NBPF15: variants seen among roughly 807,000 people sequenced by gnomAD.
NBPF15 encodes the protein NBPF family member NBPF15.
In NBPF15, 74 loss-of-function variants were observed where a neutral mutation model predicts 62.2. That is an observed-to-expected ratio of 1.19 (90% CI 0.99 to 1.44). The LOEUF (loss-of-function observed/expected upper bound fraction) is 1.44. Among genes scored for constraint, NBPF15 ranks in the 40% most tolerant of loss-of-function variants. The pLI is 0.00. For synonymous variants in NBPF15, 244 were observed against 209.7 expected, an observed-to-expected ratio of 1.16 and a Z score of -1.41; for missense variants, 790 against 550.0, an observed-to-expected ratio of 1.44 and a Z score of -4.36.
rs1219982450 is a variant in NBPF15 at position 144,443,533 on chromosome 1, C to T, written c.-190-3238G>A. Among the ~76,000 whole-genome samples the T allele has an allele frequency of 1.3e-4, 19 of 151,712 alleles. No homozygotes were observed. In the East Asian group the frequency reaches 3.7e-3, roughly 29 times the overall value. ...ATCAGAATTGTGTTGATGTAATATGCTAACAAAATTGAGTCTTCCAATCAA... is the reference window on the plus strand; with the variant it reads ...ATCAGAATTGTGTTGATGTAATATGTTAACAAAATTGAGTCTTCCAATCAA... On this transcript the variant is annotated intron_variant, in intron 6 of 21. Coordinates refer to ENST00000581897, the MANE Select transcript of NBPF15 (RefSeq NM_001385408.1).
chr1:144,453,693 T>C (rs1424994578), intron 4 of NBPF15, among the ~76,000 whole-genome samples: 1 of 93,806 alleles, frequency 1.1e-5, no homozygotes, highest in Non-Finnish European at 2.4e-5. Flanking sequence ...ATTAATAAGA[T>C]ATACAGATGG....
intron 6 of NBPF15, chr1:144,442,497 C>T (rs1221892795): frequency 2.7e-5 from 4 of 149,976 alleles, no homozygotes; most frequent in African/African-American, 7.4e-5. Flanking sequence ...GCGAGGAGGA[C>T]AGCACCTGCA....
At chr1:144,440,816 C>T (rs1682353720) in intron 6 of NBPF15, among the ~76,000 whole-genome samples, 3 of 150,808 alleles carry the variant, frequency 2.0e-5, no homozygotes, top group South Asian at 4.2e-4. Context: ...CCACGCCCGG[C>T]TAATTTTTCT....
chr1:144,454,869 AGAG>A (rs1418329268), intron 4 of NBPF15, among the ~76,000 whole-genome samples: 1 of 146,694 alleles, frequency 6.8e-6, no homozygotes, highest in Non-Finnish European at 1.5e-5. Flanking sequence ...CCCACAAATC[AGAG>A]GAGGAGGAGG....
At chr1:144,426,992 C>G (rs1454396485) in intron 17 of NBPF15, 55 bp downstream of exon 17, 171 of 750,902 alleles carry the variant, frequency 2.3e-4, no homozygotes, top group African/African-American at 2.2e-3. Context: ...TTCCCTGGAC[C>G]TGGCATCTCC....
rs1459458944 is a variant in NBPF15 at position 144,439,816 on chromosome 1, C to T, written c.175+13G>A. 407 of 1,581,354 alleles carry T rather than the reference C, an allele frequency of 2.6e-4. 3 individuals carry two copies. The African/African-American group carries it at 4.8e-3, about 19-fold the overall frequency. ...ATTCATCACTTTCATGACGGTGAGC[C>T]TATAGATCTTACTGTATTTCTTCTG... On this transcript the variant is annotated intron_variant, in intron 8 of 21. Coordinates refer to ENST00000581897, the MANE Select transcript of NBPF15 (RefSeq NM_001385408.1).
At position 144,423,911 on chromosome 1, in the gene NBPF15, C is replaced by G; in HGVS notation, c.1728G>C (p.Arg576Ser). 1 of 795,402 alleles carries G rather than the reference C, an allele frequency of 1.3e-6. No homozygotes were observed. The allele number at this position is 795,402 out of a possible 1,614,324, so 49.3% of individuals were successfully genotyped here. A position where few individuals can be genotyped will look rare whatever the true frequency, so the allele number is the denominator to read the frequency against. The change falls in exon 21 of 22, where the codon AGG becomes AGC. Residue 576 changes from arginine (R) to serine (S), a missense_variant. Coordinates refer to ENST00000581897, the MANE Select transcript of NBPF15 (RefSeq NM_001385408.1). ...RGRRSKKKRR[R>S]GRKEGEDDNP... ...TGTCATCTTCCCCTTCTTTTCTTCC[C>G]CTTCTTCTTTTCTTCTTTGATCTTC...
chr1:144,424,157 A>G (rs1359318001), intron 20 of NBPF15, among the ~76,000 whole-genome samples, 182 bp from the exon 21 acceptor site: 2 of 152,054 alleles, frequency 1.3e-5, no homozygotes, highest in African/African-American at 2.4e-5. Context: ...TTTTTCTCCC[A>G]GAAACTGTGG....
intron 6 of NBPF15, among the ~76,000 whole-genome samples, chr1:144,445,688 T>C (rs1313190331): frequency 1.3e-5 from 2 of 151,454 alleles, no homozygotes; most frequent in African/African-American, 2.4e-5. Context: ...TAGAATTGCA[T>C]TGGATCTGGA....
Position 144,422,883 on chromosome 1 carries a change from G to C in NBPF15, c.*130C>G. 1 of 1,593,576 alleles carries C rather than the reference G, an allele frequency of 6.3e-7. No individual in the cohort carries two copies. The highest frequency in any genetic ancestry group is 1.7e-5 in the Admixed American group (1 of 58,138). ...TTGCCAATGGCATGGTTTGAGAATAGGAATAGAGCCATGCTCACTGACCCA... is the reference window on the plus strand; with the variant it reads ...TTGCCAATGGCATGGTTTGAGAATACGAATAGAGCCATGCTCACTGACCCA... On this transcript the variant is annotated 3_prime_UTR_variant, in exon 22 of 22. Coordinates refer to ENST00000581897, the MANE Select transcript of NBPF15 (RefSeq NM_001385408.1).
At chr1:144,456,361 G>C (rs1451749581) in intron 4 of NBPF15, among the ~76,000 whole-genome samples, 176 bp downstream of exon 4, 3 of 152,130 alleles carry the variant, frequency 2.0e-5, no homozygotes, top group South Asian at 4.2e-4. Context: ...GGTCGAGGGT[G>C]GCACACGCTG....
intron 20 of NBPF15, among the ~76,000 whole-genome samples, chr1:144,424,487 C>T (rs1185454415): frequency 2.6e-5 from 4 of 152,048 alleles, no homozygotes; most frequent in Non-Finnish European, 5.9e-5. Flanking sequence ...TGGCCTGAGA[C>T]TAGGAAGAGA....
intron 17 of NBPF15, 149 bp downstream of exon 17, chr1:144,426,898 A>T (rs1335198439): frequency 1.8e-6 from 1 of 566,790 alleles, no homozygotes; most frequent in Non-Finnish European, 3.1e-6. Flanking sequence ...AAACCTAAAC[A>T]TCTACTGCAA....
intron 4 of NBPF15, among the ~76,000 whole-genome samples, chr1:144,455,122 A>AGGGT (rs1693617948): frequency 7.5e-6 from 1 of 133,700 alleles, no homozygotes; most frequent in Non-Finnish European, 1.6e-5. Context: ...GAAGGGAGGG[A>AGGGT]GGAAGGGAGG....
At chr1:144,423,769 C>T in intron 21 of NBPF15, 101 bp downstream of exon 21, 1 of 711,154 alleles carries the variant, frequency 1.4e-6, no homozygotes, top group Admixed American at 2.0e-5. Context: ...AGTAATTCAG[C>T]CTTCGTTGAA....
At chr1:144,438,432 C>T (rs1306574665) in intron 8 of NBPF15, among the ~76,000 whole-genome samples, 1 of 151,848 alleles carries the variant, frequency 6.6e-6, no homozygotes, top group Non-Finnish European at 1.5e-5. Flanking sequence ...CGGGAAGGCC[C>T]CTAGGACTAT....
Position 144,447,575 on chromosome 1 carries a change from G to C in NBPF15, c.-191+1200C>G, listed in dbSNP as rs868913565. On this transcript the variant is annotated intron_variant, in intron 6 of 21. Transcript: ENST00000581897. ...GACAAGCCCCAAGTGGCATAAGACAGGATGGAAATGAGTGGAGAGTGGATC... is the reference window on the plus strand; with the variant it reads ...GACAAGCCCCAAGTGGCATAAGACACGATGGAAATGAGTGGAGAGTGGATC... Among the ~76,000 whole-genome samples the C allele has an allele frequency of 3.6e-4, 55 of 151,898 alleles. 3 individuals carry two copies. The highest frequency in any genetic ancestry group is 6.8e-3 in the Middle Eastern group (2 of 292).
intron 6 of NBPF15, among the ~76,000 whole-genome samples, chr1:144,441,093 C>A (rs1303414922): frequency 7.2e-5 from 11 of 151,956 alleles, no homozygotes; most frequent in Admixed American, 5.9e-4. Context: ...ATTTGATATC[C>A]ATTTTTCTGA....
At chr1:144,445,663 G>T (rs1474070791) in intron 6 of NBPF15, among the ~76,000 whole-genome samples, 8 of 150,670 alleles carry the variant, frequency 5.3e-5, no homozygotes, top group African/African-American at 1.2e-4. Flanking sequence ...CCAAAATGCC[G>T]CTTGGAATTA....
Sources: gnomAD v4.1 joint callset for allele counts (sites outside exome capture counted in the v4.1 genomes callset) on GRCh38, gnomAD v4.1.1 for gene constraint, MANE v1.5 for transcripts, NCBI Gene and HGNC (gene_info 2026-07-23, HGNC 2026-07-21) for gene names.